The following BRCC3 variants were observed in gnomAD, a reference collection of about 807,000 sequenced individuals.
BRCC3 encodes BRCA1/BRCA2-containing complex subunit 3.
Under a neutral mutation model 28.0 loss-of-function variants are expected in BRCC3, and 15 were observed. That is an observed-to-expected ratio of 0.54 (90% CI 0.36 to 0.82). The LOEUF (loss-of-function observed/expected upper bound fraction) is 0.82, where lower values mean the gene tolerates loss of function less well. BRCC3 is among the 40% of genes least tolerant of loss of function. BRCC3 has a pLI of 0.01. For synonymous variants in BRCC3, 66 were observed against 80.3 expected, an observed-to-expected ratio of 0.82 and a Z score of 0.95; for missense variants, 109 against 225.9, an observed-to-expected ratio of 0.48 and a Z score of 3.32.
intron 7 of BRCC3, among the ~76,000 whole-genome samples, chrX:155,101,285 A>G (rs1557296865): frequency 9.0e-6 from 1 of 111,593 alleles, no homozygotes; most frequent in Admixed American, 9.5e-5. Context: ...ATATGCAAAT[A>G]CTGCACCCTT....
intron 1 of BRCC3, 111 bp downstream of exon 1, chrX:155,071,761 A>AGATGAAATTT: frequency 1.1e-6 from 1 of 898,618 alleles, no homozygotes; most frequent in Non-Finnish European, 1.5e-6. Flanking sequence ...TCCTCGATTT[A>AGATGAAATTT]GGTCCTTGGA....
intron 5 of BRCC3, among the ~76,000 whole-genome samples, chrX:155,088,792 T>C (rs2124265988): frequency 8.9e-6 from 1 of 112,254 alleles, no homozygotes; most frequent in South Asian, 3.7e-4. Flanking sequence ...GTTTCTACTC[T>C]CTGGAATGTT....
intron 6 of BRCC3, 102 bp from the exon 7 acceptor site, chrX:155,090,682 G>T: frequency 1.7e-6 from 1 of 588,486 alleles, no homozygotes; most frequent in Non-Finnish European, 2.8e-6. Context: ...TCCATCTTTG[G>T]TATCTCTTTT....
chrX:155,112,991 G>T (rs1433002266), intron 7 of BRCC3, among the ~76,000 whole-genome samples: 1 of 110,605 alleles, frequency 9.0e-6, no homozygotes, highest in Non-Finnish European at 1.9e-5. Context: ...AGAAGTTACA[G>T]ACACAAATAA....
At chrX:155,102,392 A>T (rs1246198812) in intron 7 of BRCC3, among the ~76,000 whole-genome samples, 2 of 112,085 alleles carry the variant, frequency 1.8e-5, no homozygotes, top group Admixed American at 9.4e-5. Context: ...ATTCATTGCT[A>T]CTATATAAAA....
chrX:155,086,744 C>A (rs782519340), intron 5 of BRCC3, among the ~76,000 whole-genome samples: 1 of 111,945 alleles, frequency 8.9e-6, no homozygotes, highest in Non-Finnish European at 1.9e-5. Flanking sequence ...CTCGAATTAC[C>A]CTAGTGTTGG....
chrX:155,110,391 A>T (rs1458356453), intron 7 of BRCC3, among the ~76,000 whole-genome samples: 1 of 111,326 alleles, frequency 9.0e-6, no homozygotes, highest in East Asian at 2.8e-4. Context: ...AATATGTAGG[A>T]TTATTCTGAT....
intron 3 of BRCC3, among the ~76,000 whole-genome samples, chrX:155,074,926 A>G (rs1239916016): frequency 8.9e-6 from 1 of 112,237 alleles, no homozygotes; most frequent in African/African-American, 3.2e-5. Flanking sequence ...AAACAAAACA[A>G]AAATAAACCA....
intron 7 of BRCC3, among the ~76,000 whole-genome samples, chrX:155,107,272 A>G (rs1207599766): frequency 9.0e-6 from 1 of 110,629 alleles, no homozygotes; most frequent in Non-Finnish European, 1.9e-5. Context: ...TTTTCCACTG[A>G]TCTTTGCTTT....
chrX:155,102,265 C>T (rs781946355), intron 7 of BRCC3, among the ~76,000 whole-genome samples: 1 of 111,678 alleles, frequency 9.0e-6, no homozygotes, highest in Non-Finnish European at 1.9e-5. Context: ...TTAATTATCT[C>T]AGTAATGGTT....
intron 7 of BRCC3, 43 bp downstream of exon 7, chrX:155,090,882 T>C (rs1298461932): frequency 7.5e-6 from 7 of 931,648 alleles, no homozygotes; most frequent in Non-Finnish European, 9.2e-6. Context: ...AGGGCTAATC[T>C]CCAATTCAGA....
In BRCC3 at chrX:155,078,470, A is replaced by G. The variant is rs141652947; in HGVS notation, c.316-146A>G. The G allele has an allele frequency of 7.2e-3, 3,471 of 480,648 alleles. 18 individuals are homozygous for G. Among genetic ancestry groups the G allele is most frequent in the Non-Finnish European group, 9.9e-3 (2,755 of 277,498 alleles). The allele number at this position is 480,648 out of a possible 1,213,427, so 39.6% of individuals were successfully genotyped here. A position where few individuals can be genotyped will look rare whatever the true frequency, so the allele number is the denominator to read the frequency against. On this transcript the variant is annotated intron_variant, in intron 4 of 10. Transcript: ENST00000330045. ...GAAATTTTGGCTTTAAATGGGCATT[A>G]TGGGAAACTCAGCATTAATCTTATT...
At chrX:155,098,898 A>T (rs1218348059) in intron 7 of BRCC3, among the ~76,000 whole-genome samples, 2 of 111,999 alleles carry the variant, frequency 1.8e-5, no homozygotes, top group Admixed American at 1.9e-4. Flanking sequence ...TCCCATCCCA[A>T]CTAAATTATT....
rs2074051655 is a variant in BRCC3, at chrX:155,077,216, G to A, written c.242G>A (p.Arg81Gln). Residue 81 changes from arginine (R) to glutamine (Q), a missense_variant, in exon 4 of 11, where the codon CGA becomes CAA. By Grantham distance (43) the Arg-to-Gln change is conservative. Coordinates refer to ENST00000330045, the MANE Select transcript of BRCC3 (RefSeq NM_001018055.3). ...IVHIHSVIIL[R>Q]RSDKRKDRVE... The stretch of plus-strand genomic sequence containing the variant: ...CACATTCATTCTGTCATCATCTTAC[G>A]ACGTTCTGATAAGAGGAAGGACCGA... The A allele has an allele frequency of 5.0e-6, 6 of 1,189,772 alleles. No homozygotes were observed. The highest frequency in any genetic ancestry group is 3.6e-5 in the South Asian group (2 of 56,307).
intron 7 of BRCC3, among the ~76,000 whole-genome samples, chrX:155,107,720 T>G (rs1450539673): frequency 8.9e-6 from 1 of 111,881 alleles, no homozygotes; most frequent in East Asian, 2.8e-4. Context: ...CCACTAACAT[T>G]GTAAGATCCT....
chrX:155,122,936 T>C lies in BRCC3; in HGVS notation c.*1732T>C, dbSNP rs2074396356. On this transcript the variant is annotated 3_prime_UTR_variant, in exon 11 of 11. Transcript: ENST00000330045. ...TTCTATATGATTATGATGATTACGA[T>C]GTTGATTATAACATTTGATTATGAG... 9.0e-6 allele frequency: 1 copy of C among 111,721 alleles called. No individual in the cohort carries two copies. The highest frequency in any genetic ancestry group is 1.9e-5 in the Non-Finnish European group (1 of 53,114). 9.2% of individuals were successfully genotyped at this position (111,721 alleles called of 1,213,427 possible). A position where few individuals can be genotyped will look rare whatever the true frequency, so the allele number is the denominator to read the frequency against.
rs782334060 is a variant in BRCC3, at chrX:155,078,710, A to T, written c.403+7A>T. The T allele has an allele frequency of 3.8e-5, 42 of 1,105,388 alleles. No individual in the cohort carries two copies. Among genetic ancestry groups the T allele is most frequent in the Admixed American group, 4.7e-5 (2 of 42,544 alleles). The allele number at this position is 1,105,388 out of a possible 1,213,427, so 91.1% of individuals were successfully genotyped here. A position where few individuals can be genotyped will look rare whatever the true frequency, so the allele number is the denominator to read the frequency against. On this transcript the variant is annotated splice_region_variant and intron_variant, in intron 5 of 10. Transcript: ENST00000330045. Reference sequence around the variant, plus strand: ...GTTTGGCCTTCACATGTTGGTAAGTATCATGGGGTTGCAATGTTTATTGTT... The same window carrying T: ...GTTTGGCCTTCACATGTTGGTAAGTTTCATGGGGTTGCAATGTTTATTGTT...
chrX:155,073,329 T>C (rs782636941), intron 2 of BRCC3, 48 bp from the exon 3 acceptor site: 2 of 1,138,668 alleles, frequency 1.8e-6, no homozygotes, highest in East Asian at 6.5e-5. Flanking sequence ...TTCCTTTTTA[T>C]ATTCCAAACC....
At chrX:155,094,106 A>G (rs782349501) in intron 7 of BRCC3, among the ~76,000 whole-genome samples, 136 of 110,632 alleles carry the variant, frequency 1.2e-3, no homozygotes, top group African/African-American at 4.3e-3. Flanking sequence ...TTTTAAGAAT[A>G]AAGCAACAAA....
Sources: gnomAD v4.1 joint callset for allele counts (sites outside exome capture counted in the v4.1 genomes callset) on GRCh38, gnomAD v4.1.1 for gene constraint, MANE v1.5 for transcripts, NCBI Gene and HGNC (gene_info 2026-07-23, HGNC 2026-07-21) for gene names.